The following UTP20 variants were observed in gnomAD, a reference collection of about 807,000 sequenced individuals.
UTP20 encodes the protein UTP20 small subunit processome component.
Under a neutral mutation model 329.5 loss-of-function variants are expected in UTP20, and 164 were observed. That is an observed-to-expected ratio of 0.50 (90% confidence interval 0.44 to 0.57). UTP20 has a LOEUF of 0.57. Ranked by LOEUF, UTP20 falls within the 20% of genes least tolerant of loss-of-function variation. The pLI, the probability that UTP20 is intolerant of heterozygous loss-of-function variation, is 0.00. For missense variants in UTP20, 3,055 were observed against 3,284.2 expected (o/e 0.93, Z 1.71); for synonymous variants, 1,151 against 1,159.3 (o/e 0.99, Z 0.14).
At position 101,321,535 on chromosome 12, in the gene UTP20, A is replaced by C. The variant is rs374755767; in HGVS notation, c.2947A>C (p.Ser983Arg). ...CTTACAAAGGTTGCTTGAAGACAGA[A>C]GCTTTAAGGAAGAGATAGTGCATTT... The part of the protein sequence containing the change: ...ENLQRLLEDR[S>R]FKEEIVHFSI... Residue 983 changes from serine (S) to arginine (R), a missense_variant, in exon 25 of 62, where the codon AGC becomes CGC. Transcript: ENST00000261637. The C allele has an allele frequency of 6.8e-6, 11 of 1,613,420 alleles. No homozygotes were observed. In the African/African-American group the frequency reaches 1.5e-4, roughly 22 times the overall value.
At position 101,297,535 on chromosome 12, in the gene UTP20, A is replaced by T. The variant is rs577442569; in HGVS notation, c.1430+1877A>T. Among the ~76,000 whole-genome samples the T allele has an allele frequency of 3.9e-5, 6 of 152,324 alleles. No individual in the cohort carries two copies. In the South Asian group the frequency reaches 8.3e-4, roughly 21 times the overall value. On this transcript the variant is annotated intron_variant, in intron 12 of 61. Transcript: ENST00000261637. Reference sequence around the variant, plus strand: ...AGCAAACTCATCTTAACACCTACTTATATCTTCTGTATACCTTACAAATTG... The same window carrying T: ...AGCAAACTCATCTTAACACCTACTTTTATCTTCTGTATACCTTACAAATTG...
intron 49 of UTP20, 108 bp from the exon 50 acceptor site, chr12:101,370,324 C>T: frequency 7.6e-7 from 1 of 1,323,284 alleles, no homozygotes; most frequent in Admixed American, 2.4e-5. Flanking sequence ...AGAGGGCTGG[C>T]ACCCTGTTTG....
At chr12:101,354,097 C>G (rs567551745) in intron 40 of UTP20, among the ~76,000 whole-genome samples, 2 of 151,668 alleles carry the variant, frequency 1.3e-5, no homozygotes, top group East Asian at 1.9e-4. Flanking sequence ...CCTGTCTCTA[C>G]TAAATATACA....
At chr12:101,374,568 T>TA in intron 54 of UTP20, among the ~76,000 whole-genome samples, 1 of 152,168 alleles carries the variant, frequency 6.6e-6, no homozygotes, top group Non-Finnish European at 1.5e-5. Flanking sequence ...AAAAAAAAAT[T>TA]AAAGTATTCA....
At chr12:101,305,742 G>T (rs1205832253) in intron 15 of UTP20, among the ~76,000 whole-genome samples, 173 bp from the exon 16 acceptor site, 3 of 151,866 alleles carry the variant, frequency 2.0e-5, no homozygotes, top group African/African-American at 4.8e-5. Flanking sequence ...GTCACTCATT[G>T]TTGCTGGGCC....
intron 60 of UTP20, among the ~76,000 whole-genome samples, chr12:101,385,239 G>A (rs1870786476): frequency 6.6e-6 from 1 of 152,064 alleles, no homozygotes; most frequent in African/African-American, 2.4e-5. Context: ...TTTCTGTCAA[G>A]GTCCCAAGTT....
chr12:101,307,526 G>A (rs1315624512), intron 17 of UTP20, among the ~76,000 whole-genome samples: 3 of 151,966 alleles, frequency 2.0e-5, no homozygotes, highest in South Asian at 2.1e-4. Flanking sequence ...ATAGGTGCCT[G>A]CCACCACGCC....
rs1171039688 is a variant in UTP20 at position 101,354,992 on chromosome 12, G to C, written c.5268G>C (p.Glu1756Asp). The change falls in exon 41 of 62, where the codon GAG becomes GAC. Residue 1756 changes from glutamate (E) to aspartate (D), a missense_variant. Coordinates refer to ENST00000261637, the MANE Select transcript of UTP20 (RefSeq NM_014503.3). ...DSGGTSAKESECITKPVSFLP... is the reference protein window; with the variant it reads ...DSGGTSAKESDCITKPVSFLP... The stretch of plus-strand genomic sequence containing the variant: ...GAGGAACATCAGCTAAAGAATCCGA[G>C]TGTATCACAAAGCCTGTCTCTTTCC... The C allele has an allele frequency of 1.2e-6, 2 of 1,614,192 alleles. No individual in the cohort carries two copies. The highest frequency in any genetic ancestry group is 1.7e-6 in the Non-Finnish European group (2 of 1,180,040).
chr12:101,346,674 G>C, intron 38 of UTP20, 86 bp downstream of exon 38: 1 of 1,330,518 alleles, frequency 7.5e-7, no homozygotes, highest in Non-Finnish European at 1.0e-6. Context: ...GGTGGTGTTT[G>C]TGTTGATGTC....
intron 47 of UTP20, 122 bp downstream of exon 47, chr12:101,366,821 A>ATT (rs796213750): frequency 1.3e-4 from 134 of 1,059,114 alleles, no homozygotes; most frequent in African/African-American, 3.0e-4. Context: ...TACATTTTAG[A>ATT]TTTTTTTTTT....
Position 101,365,605 on chromosome 12 carries a change from C to G in UTP20, c.6105C>G (p.Pro2035=), listed in dbSNP as rs1183215320. 6.4e-7 allele frequency: 1 copy of G among 1,570,060 alleles called. No homozygotes were observed. The highest frequency in any genetic ancestry group is 1.2e-5 in the South Asian group (1 of 83,132). ...LSYGLISENL[P]LLTEKEKNPV... ...ATGGTTTGATCAGTGAAAATCTTCC[C>G]CTGTTAACAGAGAAAGAAAAGTAAG... is the stretch of plus-strand genomic sequence containing the variant. The change falls in exon 46 of 62, where the codon CCC becomes CCG. Residue 2035 remains proline, a synonymous_variant. Transcript: ENST00000261637.
chr12:101,362,683 G>A (rs1363822214), intron 44 of UTP20, among the ~76,000 whole-genome samples: 2 of 132,940 alleles, frequency 1.5e-5, no homozygotes, highest in Admixed American at 1.4e-4. Context: ...CAGCCTGGGC[G>A]ACAGAGTGAG....
At chr12:101,353,251 G>A (rs1869598397) in intron 40 of UTP20, 122 bp downstream of exon 40, 3 of 522,052 alleles carry the variant, frequency 5.7e-6, no homozygotes, top group Non-Finnish European at 6.5e-6. Flanking sequence ...GCAATGGACA[G>A]TTAATGAGTC....
chr12:101,365,923 CTTAAAAGATT>C (rs1593450703), intron 46 of UTP20, among the ~76,000 whole-genome samples: 1 of 152,116 alleles, frequency 6.6e-6, no homozygotes, highest in Non-Finnish European at 1.5e-5. Flanking sequence ...AGATTGAGAC[CTTAAAAGATT>C]TTAAAATATC....
chr12:101,363,675 T>C lies in UTP20; in HGVS notation c.5890T>C (p.Ser1964Pro), dbSNP rs762533237. ...AGCACGAAGAAGCAAAAGTTACGACTCTTATGAAATCCTCGGCAAGTTTGT... is the reference window on the plus strand; with the variant it reads ...AGCACGAAGAAGCAAAAGTTACGACCCTTATGAAATCCTCGGCAAGTTTGT... ...MEARRSKSYD[S>P]YEILGKFVGK... The change falls in exon 45 of 62, where the codon TCT becomes CCT. Residue 1964 changes from serine to proline, a missense_variant. Around this residue, in one of 3 missense-constraint regions of UTP20, gnomAD observed 2,445 missense variants for 2,575.5 expected, o/e 0.95. Transcript: ENST00000261637. 1.2e-6 allele frequency: 2 copies of C among 1,613,374 alleles called. No homozygotes were observed. Among genetic ancestry groups the C allele is most frequent in the Non-Finnish European group, 1.7e-6 (2 of 1,179,306 alleles).
At chr12:101,312,012 T>A (rs1179990176) in intron 20 of UTP20, 24 bp from the exon 21 acceptor site, 2 of 1,613,564 alleles carry the variant, frequency 1.2e-6, no homozygotes, top group African/African-American at 1.3e-5. Flanking sequence ...TGTCTGGTGG[T>A]TATGACAACT....
At chr12:101,366,830 T>C in intron 47 of UTP20, 131 bp downstream of exon 47, 1 of 1,151,660 alleles carries the variant, frequency 8.7e-7, no homozygotes, top group South Asian at 1.6e-5. Context: ...GATTTTTTTT[T>C]TTTACAGGTG....
At chr12:101,301,470 C>A (rs917246665) in intron 14 of UTP20, among the ~76,000 whole-genome samples, 8 of 152,164 alleles carry the variant, frequency 5.3e-5, no homozygotes, top group Non-Finnish European at 1.5e-5. Context: ...GAGTTTGAGA[C>A]CAGCCTGGCC....
At chr12:101,282,576 G>C (rs1871835880) in intron 2 of UTP20, among the ~76,000 whole-genome samples, 1 of 152,150 alleles carries the variant, frequency 6.6e-6, no homozygotes, top group African/African-American at 2.4e-5. Flanking sequence ...CTAAGTTGGG[G>C]TTTTATCCTG....
Sources: allele counts gnomAD v4.1 joint callset (sites outside exome capture counted in the v4.1 genomes callset), GRCh38; gene constraint gnomAD v4.1.1; regional missense constraint gnomAD v4.1.1; transcripts MANE v1.5; gene names NCBI Gene and HGNC (gene_info 2026-07-23, HGNC 2026-07-21).